RP1: variants seen among roughly 807,000 people sequenced by gnomAD.
RP1 encodes oxygen-regulated protein 1.
Under a neutral mutation model 14.8 loss-of-function variants are expected in RP1, and 16 were observed. That is an observed-to-expected ratio of 1.08 (90% CI 0.73 to 1.65). The LOEUF is 1.65. Among genes scored for constraint, RP1 ranks in the 40% most tolerant of loss-of-function variants. The probability of loss-of-function intolerance (pLI) is 0.00; values close to 1 mark genes in which losing one functional copy is unlikely to be tolerated. For synonymous variants in RP1, 876 were observed against 883.6 expected, an observed-to-expected ratio of 0.99 and a Z score of 0.15; for missense variants, 2,631 against 2,535.0, an observed-to-expected ratio of 1.04 and a Z score of -0.81.
rs766674210 is a variant in RP1, at chr8:54,628,466, CAGTA to C, written c.4587_4590del (p.Ser1529ArgfsTer9). ...TGAACGGTATAATTTATGAAATAATCAGTAAGAGGCTGGCAACACCACCATCTTT... is the reference window on the plus strand; with the variant it reads ...TGAACGGTATAATTTATGAAATAATCAGAGGCTGGCAACACCACCATCTTT... On this transcript the variant is annotated frameshift_variant, in exon 4 of 4. Transcript: ENST00000220676. LOFTEE classifies it low-confidence loss of function (END_TRUNC). 11 of 1,613,176 alleles carry C rather than the reference CAGTA, an allele frequency of 6.8e-6. No homozygotes were observed. Among genetic ancestry groups the C allele is most frequent in the Non-Finnish European group, 9.3e-6 (11 of 1,179,638 alleles).
chr8:54,754,244 C>T (rs1018960148), intron 19 of RP1, among the ~76,000 whole-genome samples: 2 of 151,968 alleles, frequency 1.3e-5, no homozygotes, highest in African/African-American at 4.8e-5. Flanking sequence ...TATAAATACA[C>T]TTAAAAGGCA....
intron 16 of RP1, among the ~76,000 whole-genome samples, chr8:54,722,368 T>C (rs1251692076): frequency 6.6e-6 from 1 of 151,732 alleles, no homozygotes; most frequent in Non-Finnish European, 1.5e-5. Flanking sequence ...CCTCCCGGGT[T>C]CACGCCATTC....
intron 25 of RP1, among the ~76,000 whole-genome samples, chr8:54,850,551 C>T (rs1812037345): frequency 1.3e-5 from 2 of 152,212 alleles, no homozygotes; most frequent in East Asian, 1.9e-4. Flanking sequence ...TTTTCCTGCC[C>T]AAGGAGAAGG....
intron 20 of RP1, among the ~76,000 whole-genome samples, chr8:54,755,304 C>T (rs1242546751): frequency 6.6e-6 from 1 of 152,120 alleles, no homozygotes; most frequent in Non-Finnish European, 1.5e-5. Flanking sequence ...TAACAGTCAC[C>T]TTTACCACTA....
At chr8:54,663,538 G>C (rs1431727021) in intron 6 of RP1, among the ~76,000 whole-genome samples, 1 of 152,048 alleles carries the variant, frequency 6.6e-6, no homozygotes, top group Non-Finnish European at 1.5e-5. Context: ...TATCAATAGG[G>C]AAAAACATAG....
chr8:54,710,389 A>G (rs1808267171), intron 15 of RP1, among the ~76,000 whole-genome samples: 1 of 152,194 alleles, frequency 6.6e-6, no homozygotes, highest in Non-Finnish European at 1.5e-5. Flanking sequence ...TGCAACCCCA[A>G]GGTCCCAGAA....
chr8:54,752,933 A>G (rs1809411479), intron 19 of RP1, among the ~76,000 whole-genome samples: 1 of 152,228 alleles, frequency 6.6e-6, no homozygotes, highest in African/African-American at 2.4e-5. Flanking sequence ...ATATTAATGT[A>G]TGTATACATA....
Position 54,629,753 on chromosome 8 carries a change from A to G in RP1, c.5871A>G (p.Pro1957=). Residue 1957 remains proline, a synonymous_variant, in exon 4 of 4, where the codon CCA becomes CCG. Coordinates refer to ENST00000220676, the MANE Select transcript of RP1 (RefSeq NM_006269.2). ...LGFYLWMKIH[P]YLLQTDKNVF... is the part of the protein sequence containing the mutation. The stretch of plus-strand genomic sequence containing the variant: ...TTTATTTATGGATGAAAATACACCC[A>G]TATTTACTTCAGACAGACAAAAATG... 6.2e-7 allele frequency: 1 copy of G among 1,610,684 alleles called. No homozygotes were observed. Among genetic ancestry groups the G allele is most frequent in the South Asian group, 1.1e-5 (1 of 90,558 alleles).
At chr8:54,607,341 A>G (rs13269549) in intron 1 of RP1, among the ~76,000 whole-genome samples, 65,741 of 152,048 alleles carry the variant, frequency 0.43, 15,517 homozygotes, top group African/African-American at 0.59. Flanking sequence ...TATCCGCAGC[A>G]GAGGCTACAG....
In RP1 at chr8:54,621,418, G is replaced by T. The variant is rs771997020; in HGVS notation, c.452G>T (p.Arg151Leu). The T allele has an allele frequency of 5.6e-6, 9 of 1,613,090 alleles. No homozygotes were observed. The highest frequency in any genetic ancestry group is 1.1e-5 in the South Asian group (1 of 91,038). Residue 151 changes from arginine (R) to leucine (L), a missense_variant, in exon 2 of 4, where the codon CGC becomes CTC. Arg to Leu is a moderately radical substitution (Grantham distance 102, BLOSUM62 -2). Coordinates refer to ENST00000220676, the MANE Select transcript of RP1 (RefSeq NM_006269.2). Reference protein sequence around the residue: ...PVAVAAPGMPRPPRSLVVFRN... With the variant: ...PVAVAAPGMPLPPRSLVVFRN... ...GCCGTCGCTGCTCCCGGCATGCCCC[G>T]CCCCCCACGGAGCCTAGTGGTCTTC...
downstream of RP1, among the ~76,000 whole-genome samples, chr8:54,633,438 T>A (rs1001498389): frequency 6.6e-6 from 1 of 152,058 alleles, no homozygotes; most frequent in Non-Finnish European, 1.5e-5. Context: ...GCACAAAACA[T>A]GCCTCATTTT....
At chr8:54,784,404 T>TAA (rs1356328015) in intron 24 of RP1, among the ~76,000 whole-genome samples, 6 of 152,184 alleles carry the variant, frequency 3.9e-5, no homozygotes, top group Non-Finnish European at 8.8e-5. Context: ...TCTTCTAACT[T>TAA]AAAATTTGTA....
intron 17 of RP1, among the ~76,000 whole-genome samples, chr8:54,733,522 T>C (rs1337865656): frequency 6.6e-6 from 1 of 152,152 alleles, no homozygotes; most frequent in Non-Finnish European, 1.5e-5. Flanking sequence ...ATTAGTTCAT[T>C]ATAGCTTAGC....
upstream of RP1, among the ~76,000 whole-genome samples, chr8:54,613,232 T>C (rs1327292429): frequency 6.6e-6 from 1 of 152,200 alleles, no homozygotes; most frequent in African/African-American, 2.4e-5. Flanking sequence ...GAATGGACCA[T>C]ACACAGAATT....
intron 25 of RP1, among the ~76,000 whole-genome samples, chr8:54,841,143 A>G (rs1276284857): frequency 1.3e-5 from 2 of 152,196 alleles, no homozygotes; most frequent in East Asian, 3.9e-4. Context: ...TATTATTCCC[A>G]TGACATCAAG....
chr8:54,606,285 T>C (rs542528800), intron 1 of RP1, among the ~76,000 whole-genome samples: 1 of 152,308 alleles, frequency 6.6e-6, no homozygotes, highest in South Asian at 2.1e-4. Flanking sequence ...AGTATTTTAT[T>C]TCTCCTTCAC....
intron 24 of RP1, among the ~76,000 whole-genome samples, chr8:54,835,217 G>A (rs765943647): frequency 2.8e-4 from 43 of 152,220 alleles, no homozygotes; most frequent in Non-Finnish European, 4.6e-4. Flanking sequence ...AAACTGAAGT[G>A]ACTCAGGTTG....
intron 1 of RP1, among the ~76,000 whole-genome samples, chr8:54,602,152 C>T (rs1321803866): frequency 2.0e-5 from 3 of 152,182 alleles, no homozygotes; most frequent in African/African-American, 7.2e-5. Context: ...CTTCATTTAA[C>T]ATTAGGTATA....
At chr8:54,591,754 T>A (rs1805046439) in intron 1 of RP1, among the ~76,000 whole-genome samples, 3 of 152,142 alleles carry the variant, frequency 2.0e-5, no homozygotes, top group Non-Finnish European at 4.4e-5. Flanking sequence ...GGGTTTATCA[T>A]GCGTCAGCGG....
Sources: gnomAD v4.1 joint callset for allele counts (sites outside exome capture counted in the v4.1 genomes callset) on GRCh38, gnomAD v4.1.1 for gene constraint, MANE v1.5 for transcripts, NCBI Gene and HGNC (gene_info 2026-07-23, HGNC 2026-07-21) for gene names.